VAV2: variants seen among roughly 807,000 people sequenced by gnomAD.
VAV2 encodes the protein guanine nucleotide exchange factor VAV2.
A neutral mutation model predicts 132.5 loss-of-function variants in VAV2; 67 were observed. The ratio of observed to expected loss-of-function variants is 0.51; its 90% confidence interval spans 0.42 to 0.62. The LOEUF is 0.62. Among genes scored for constraint, VAV2 ranks in the 20% least tolerant of loss-of-function variants. The probability of loss-of-function intolerance (pLI) is 0.00; values close to 1 mark genes in which losing one functional copy is unlikely to be tolerated. For synonymous variants in VAV2, 492 were observed against 443.5 expected, an observed-to-expected ratio of 1.11 and a Z score of -1.37; for missense variants, 938 against 1,153.6, an observed-to-expected ratio of 0.81 and a Z score of 2.71.
intron 2 of VAV2, among the ~76,000 whole-genome samples, chr9:133,862,531 C>T (rs920835136): frequency 8.5e-5 from 13 of 152,344 alleles, no homozygotes; most frequent in African/African-American, 2.6e-4. Context: ...GTTGCTTGTG[C>T]GTGCTACAAG....
chr9:133,856,938 G>T (rs1215421084), intron 3 of VAV2, among the ~76,000 whole-genome samples: 4 of 152,166 alleles, frequency 2.6e-5, no homozygotes. Flanking sequence ...AGCAGCCGCG[G>T]GCCTTCCACA....
chr9:133,983,532 C>G (rs770347244), intron 1 of VAV2, among the ~76,000 whole-genome samples: 17 of 152,202 alleles, frequency 1.1e-4, no homozygotes, highest in Admixed American at 6.5e-4. Context: ...CGCAGGCAGA[C>G]ACGGGTCACT....
chr9:133,814,339 G>A (rs957678194), intron 4 of VAV2, among the ~76,000 whole-genome samples: 1 of 152,264 alleles, frequency 6.6e-6, no homozygotes, highest in East Asian at 1.9e-4. Flanking sequence ...CAGGGATGCA[G>A]GCAAGTGACT....
chr9:133,852,927 C>A (rs1312560907), intron 3 of VAV2, among the ~76,000 whole-genome samples: 2 of 152,212 alleles, frequency 1.3e-5, no homozygotes, highest in Non-Finnish European at 2.9e-5. Flanking sequence ...TTGCACTGGC[C>A]AATGTGCACC....
chr9:133,780,560 A>G, intron 20 of VAV2, 134 bp downstream of exon 20: 1 of 1,126,032 alleles, frequency 8.9e-7, no homozygotes, highest in Non-Finnish European at 1.1e-6. Context: ...GCATCTTGTG[A>G]CCAAAAGTGG....
At chr9:133,870,957 CGGGT>C (rs1347260688) in intron 2 of VAV2, among the ~76,000 whole-genome samples, 5 of 5,604 alleles carry the variant, frequency 8.9e-4, no homozygotes, top group Admixed American at 2.8e-3. Flanking sequence ...GATGGGTAGA[CGGGT>C]GGGTGGGTGG....
intron 2 of VAV2, among the ~76,000 whole-genome samples, chr9:133,922,267 C>T (rs531927173): frequency 6.6e-4 from 101 of 152,376 alleles, no homozygotes; most frequent in African/African-American, 2.4e-3. Context: ...GACCCCAGAG[C>T]GTCTACCTGC....
rs1316079296 is a variant in VAV2, at chr9:133,804,695, T to G, written c.836+1386A>C. On this transcript the variant is annotated intron_variant, in intron 9 of 29. Coordinates refer to ENST00000371850, the MANE Select transcript of VAV2 (RefSeq NM_001134398.2). The surrounding 1 kb of genome is among the most constrained non-coding windows in gnomAD (Gnocchi z 4.5). ...GAAAAGGACCACTGTACCCCACACC[T>G]GCTGAGGACTGGGGCGACAGCCAGT... Among the ~76,000 whole-genome samples the G allele has an allele frequency of 6.6e-6, 1 of 152,172 alleles. No individual in the cohort carries two copies. The highest frequency in any genetic ancestry group is 2.4e-5 in the African/African-American group (1 of 41,436).
rs768671043 is a variant in VAV2, at chr9:133,788,381, G to T, written c.1380C>A (p.Asp460Glu). 1 of 1,611,164 alleles carries T rather than the reference G, an allele frequency of 6.2e-7. No individual in the cohort carries two copies. The highest frequency in any genetic ancestry group is 2.2e-5 in the East Asian group (1 of 44,730). Residue 460 changes from aspartate to glutamate, a missense_variant, in exon 15 of 30, where the codon GAC (aspartate) becomes GAA (glutamate). Asp to Glu is a conservative substitution (Grantham distance 45, BLOSUM62 2). Coordinates refer to ENST00000371850, the MANE Select transcript of VAV2 (RefSeq NM_001134398.2). This position sits in a 1 kb window ranked among gnomAD's most constrained non-coding sequence, Gnocchi z 5.3. ...IELLFHKMTD[D>E]PMNNKDVKKS... ...TCTTGACGTCCTTGTTGTTCATGGG[G>T]TCGTCGGTCATCTTGTGGAACAGCA...
At chr9:133,901,294 G>C (rs764246982) in intron 2 of VAV2, among the ~76,000 whole-genome samples, 1 of 152,186 alleles carries the variant, frequency 6.6e-6, no homozygotes, top group Non-Finnish European at 1.5e-5. Context: ...CACTCCCCAC[G>C]GGTCTCCTCA....
intron 25 of VAV2, among the ~76,000 whole-genome samples, chr9:133,773,802 A>G (rs1325981572): frequency 6.6e-6 from 1 of 152,224 alleles, no homozygotes; most frequent in Non-Finnish European, 1.5e-5. Context: ...TAGTGAATCC[A>G]TAAACCAGTA....
chr9:133,910,765 A>G (rs1456695375), intron 2 of VAV2, among the ~76,000 whole-genome samples: 1 of 147,150 alleles, frequency 6.8e-6, no homozygotes, highest in African/African-American at 2.5e-5. Flanking sequence ...TGGAGCTTGC[A>G]GTGAGCCGAG....
At chr9:133,778,187 G>C (rs1833882671) in intron 22 of VAV2, among the ~76,000 whole-genome samples, 1 of 81,424 alleles carries the variant, frequency 1.2e-5, no homozygotes, top group African/African-American at 1.2e-4. Flanking sequence ...CGCCCACAAA[G>C]GTCCCCGGGA....
chr9:133,840,454 A>C lies in VAV2; in HGVS notation c.381-6114T>G, dbSNP rs1836675873. Reference sequence around the variant, plus strand: ...CCCCTGAGCCACTGCTTGCTCAAGGAGCTCCCCCAGCCCCCAACAGGCCTT... The same window carrying C: ...CCCCTGAGCCACTGCTTGCTCAAGGCGCTCCCCCAGCCCCCAACAGGCCTT... On this transcript the variant is annotated intron_variant, in intron 3 of 29. Transcript: ENST00000371850. This position sits in a 1 kb window ranked among gnomAD's most constrained non-coding sequence, Gnocchi z 4.5. Among the ~76,000 whole-genome samples, 1 of 151,986 alleles carries C rather than the reference A, an allele frequency of 6.6e-6. No individual in the cohort carries two copies. The highest frequency in any genetic ancestry group is 2.4e-5 in the African/African-American group (1 of 41,390).
chr9:133,915,118 C>T (rs1034621379), intron 2 of VAV2, among the ~76,000 whole-genome samples: 14 of 152,086 alleles, frequency 9.2e-5, no homozygotes, highest in African/African-American at 3.4e-4. Flanking sequence ...CCATTAGTGT[C>T]CCCTTTTCCT....
chr9:133,786,828 C>T (rs992662707), intron 16 of VAV2, among the ~76,000 whole-genome samples: 9 of 151,450 alleles, frequency 5.9e-5, no homozygotes, highest in African/African-American at 1.2e-4. Flanking sequence ...GAAAAGATGG[C>T]GGGAAAGAGG....
At chr9:133,976,073 G>C (rs893388916) in intron 1 of VAV2, among the ~76,000 whole-genome samples, 1 of 152,064 alleles carries the variant, frequency 6.6e-6, no homozygotes, top group East Asian at 1.9e-4. Context: ...CAGGCGTGGT[G>C]GTGGGCACCT....
At chr9:133,916,864 C>T (rs80196957) in intron 2 of VAV2, among the ~76,000 whole-genome samples, 8,585 of 152,158 alleles carry the variant, frequency 0.056, 728 homozygotes, top group African/African-American at 0.19. Context: ...GAGAATGTCC[C>T]GGCTCTGCCA....
intron 29 of VAV2, among the ~76,000 whole-genome samples, chr9:133,764,779 TA>T (rs1465949841): frequency 6.6e-6 from 1 of 152,166 alleles, no homozygotes; most frequent in Non-Finnish European, 1.5e-5. Flanking sequence ...TAAAAAGTTC[TA>T]ACATCCTTGT....
Sources: gnomAD v4.1 joint callset for allele counts (sites outside exome capture counted in the v4.1 genomes callset) on GRCh38, gnomAD v4.1.1 for gene constraint, Gnocchi (gnomAD v3.1) non-coding constraint, MANE v1.5 for transcripts, NCBI Gene and HGNC (gene_info 2026-07-23, HGNC 2026-07-21) for gene names.